Variants in N4BP2 observed in about 807,000 individuals in gnomAD.
The protein encoded by N4BP2 is NEDD4 binding protein 2, also known as NEDD4-binding protein 2.
Under a neutral mutation model 152.8 loss-of-function variants are expected in N4BP2, and 91 were observed. That is an observed-to-expected ratio of 0.60 (90% CI 0.50 to 0.71). The LOEUF (loss-of-function observed/expected upper bound fraction) is 0.71. Among genes scored for constraint, N4BP2 ranks in the 30% least tolerant of loss-of-function variants. The probability of loss-of-function intolerance (pLI) is 0.00; values close to 1 mark genes in which losing one functional copy is unlikely to be tolerated. For synonymous variants in N4BP2, 646 were observed against 705.3 expected (o/e 0.92, Z 1.33); for missense variants, 1,923 against 2,059.1 (o/e 0.93, Z 1.28).
In N4BP2 at chr4:40,120,903, G is replaced by A; in HGVS notation, c.2792G>A (p.Trp931Ter). The change falls in exon 9 of 18, where the codon TGG becomes TAG. Residue 931 changes from tryptophan to a stop codon, truncating the protein, a stop_gained. Transcript: ENST00000261435. LOFTEE classifies it high-confidence loss of function. ...ISLSTAHEACWGTSSQKLKTL... is the reference protein window; with the variant it reads ...ISLSTAHEAC Reference sequence around the variant, plus strand: ...TTATCTACAGCACATGAGGCCTGTTGGGGCACAAGCTCTCAAAAACTAAAG... The same window carrying A: ...TTATCTACAGCACATGAGGCCTGTTAGGGCACAAGCTCTCAAAAACTAAAG... The A allele has an allele frequency of 6.2e-7, 1 of 1,614,042 alleles. No individual in the cohort carries two copies.
At chr4:40,090,931 T>C (rs1227940444) in intron 2 of N4BP2, among the ~76,000 whole-genome samples, 1 of 7,110 alleles carries the variant, frequency 1.4e-4, no homozygotes, top group African/African-American at 4.6e-4. Flanking sequence ...AGACTCAGTC[T>C]CAAAAAAAAA....
intron 16 of N4BP2, among the ~76,000 whole-genome samples, chr4:40,147,944 A>T (rs1720754018): frequency 6.6e-6 from 1 of 150,474 alleles, no homozygotes; most frequent in South Asian, 2.1e-4. Flanking sequence ...GGCCGGGCAG[A>T]GACGCTCCTC....
Position 40,155,718 on chromosome 4 carries a change from A to G in N4BP2, c.*1481A>G, listed in dbSNP as rs930377921. The G allele has an allele frequency of 2.6e-5, 4 of 152,228 alleles. No individual in the cohort carries two copies. Among genetic ancestry groups the G allele is most frequent in the African/African-American group, 7.2e-5 (3 of 41,480 alleles). The allele number at this position is 152,228 out of a possible 1,614,324, so 9.4% of individuals were successfully genotyped here. On this transcript the variant is annotated 3_prime_UTR_variant, in exon 18 of 18. Transcript: ENST00000261435. The stretch of plus-strand genomic sequence containing the variant: ...TGCTTTTTGTTAAGCTTAAAAAAAA[A>G]TTTGGATCAGAAATTATAGGATTGA...
rs1361205831 is a variant in N4BP2, at chr4:40,156,495, A to G, written c.*2258A>G. The G allele has an allele frequency of 5.3e-5, 8 of 152,164 alleles. No homozygotes were observed. Among genetic ancestry groups the G allele is most frequent in the Non-Finnish European group, 1.0e-4 (7 of 67,982 alleles). The allele number at this position is 152,164 out of a possible 1,614,324, so 9.4% of individuals were successfully genotyped here. The stretch of plus-strand genomic sequence containing the variant: ...TATTTTTATGAAGCTGCTTAATTCC[A>G]AATTGCCTCCCACCCCACTATCTAG... On this transcript the variant is annotated 3_prime_UTR_variant, in exon 18 of 18. Coordinates refer to ENST00000261435, the MANE Select transcript of N4BP2 (RefSeq NM_018177.6).
At chr4:40,165,871 C>A in the N4BP2 span, among the ~76,000 whole-genome samples, 1 of 152,150 alleles carries the variant, frequency 6.6e-6, no homozygotes, top group African/African-American at 2.4e-5. Context: ...TTCTTATATT[C>A]CGTAGATACC....
At chr4:40,099,989 T>C (rs1473454710) in intron 3 of N4BP2, 1 of 446,970 alleles carries the variant, frequency 2.2e-6, no homozygotes, top group East Asian at 7.2e-5. Flanking sequence ...CTAATTGGTC[T>C]CTGCCAGGCT....
chr4:40,178,181 C>T, the N4BP2 span, among the ~76,000 whole-genome samples: 2 of 150,070 alleles, frequency 1.3e-5, no homozygotes, highest in African/African-American at 4.9e-5. Context: ...AACAAAGAAC[C>T]CAACAAAACA....
At chr4:40,179,762 T>TC in the N4BP2 span, among the ~76,000 whole-genome samples, 185 of 115,088 alleles carry the variant, frequency 1.6e-3, 2 homozygotes, top group South Asian at 7.7e-3. Flanking sequence ...AGCCTTTCTT[T>TC]TTTTTTTTTT....
intron 2 of N4BP2, among the ~76,000 whole-genome samples, chr4:40,095,982 G>T (rs1454143974): frequency 2.0e-5 from 3 of 152,174 alleles, no homozygotes; most frequent in Non-Finnish European, 2.9e-5. Context: ...ACAGGTAGGA[G>T]GTTGGAATAT....
intron 1 of N4BP2, among the ~76,000 whole-genome samples, chr4:40,059,111 C>T (rs971199566): frequency 1.3e-5 from 2 of 152,096 alleles, no homozygotes; most frequent in African/African-American, 2.4e-5. Flanking sequence ...GTGACCACCA[C>T]GCCCGCCCGG....
the N4BP2 span, among the ~76,000 whole-genome samples, chr4:40,177,129 A>G: frequency 3.0e-4 from 45 of 152,202 alleles, no homozygotes; most frequent in Non-Finnish European, 4.9e-4. Context: ...CTTTCCTCCA[A>G]TGACCAACCT....
At chr4:40,163,161 A>G (rs1406825823), downstream of N4BP2, among the ~76,000 whole-genome samples, 1 of 152,212 alleles carries the variant, frequency 6.6e-6, no homozygotes, top group East Asian at 1.9e-4. Context: ...CTACCTTTTG[A>G]AGGATACAAT....
At chr4:40,145,167 A>C (rs1433869521) in intron 16 of N4BP2, among the ~76,000 whole-genome samples, 1 of 152,154 alleles carries the variant, frequency 6.6e-6, no homozygotes, top group African/African-American at 2.4e-5. Context: ...TAGATGCTTG[A>C]TAAAATACAG....
At chr4:40,185,025 A>G in the N4BP2 span, among the ~76,000 whole-genome samples, 1 of 152,268 alleles carries the variant, frequency 6.6e-6, no homozygotes, top group African/African-American at 2.4e-5. Flanking sequence ...AGATAGTTTA[A>G]TTTTATAGCT....
At chr4:40,148,525 TGTAA>T (rs1720839457) in intron 16 of N4BP2, among the ~76,000 whole-genome samples, 2 of 152,244 alleles carry the variant, frequency 1.3e-5, no homozygotes, top group South Asian at 2.1e-4. Flanking sequence ...AGGTTCCACA[TGTAA>T]GTGAGATCAT....
At chr4:40,062,887 C>T (rs1353710742) in intron 1 of N4BP2, among the ~76,000 whole-genome samples, 1 of 152,188 alleles carries the variant, frequency 6.6e-6, no homozygotes, top group Non-Finnish European at 1.5e-5. Context: ...TCTTTGTGTC[C>T]TTAGCACTCC....
chr4:40,088,818 G>A (rs747294580), intron 2 of N4BP2, among the ~76,000 whole-genome samples: 15 of 152,058 alleles, frequency 9.9e-5, no homozygotes, highest in Admixed American at 2.0e-4. Context: ...GTTTTAATTC[G>A]CACTTACTTA....
At chr4:40,141,835 C>T (rs887787818) in intron 14 of N4BP2, among the ~76,000 whole-genome samples, 1 of 152,208 alleles carries the variant, frequency 6.6e-6, no homozygotes, top group Non-Finnish European at 1.5e-5. Flanking sequence ...TCTGCAATCC[C>T]GGCACCTCGG....
At chr4:40,063,236 A>G (rs565656471) in intron 1 of N4BP2, among the ~76,000 whole-genome samples, 2 of 152,126 alleles carry the variant, frequency 1.3e-5, no homozygotes, top group East Asian at 1.9e-4. Context: ...TAGGGGAAAA[A>G]GTTATTGGTT....
Sources: gnomAD v4.1 joint callset for allele counts (sites outside exome capture counted in the v4.1 genomes callset) on GRCh38, gnomAD v4.1.1 for gene constraint, MANE v1.5 for transcripts, NCBI Gene and HGNC (gene_info 2026-07-23, HGNC 2026-07-21) for gene names.